LRP4: variants seen among roughly 807,000 people sequenced by gnomAD.
The protein encoded by LRP4 is LDL receptor related protein 4, also known as low-density lipoprotein receptor-related protein 4.
In LRP4, 95 loss-of-function variants were observed where a neutral mutation model predicts 220.3. The observed-to-expected ratio is 0.43, with a 90% confidence interval of 0.37 to 0.51. The LOEUF (loss-of-function observed/expected upper bound fraction) is 0.51, where lower values mean the gene tolerates loss of function less well. Among genes scored for constraint, LRP4 ranks in the 20% least tolerant of loss-of-function variants. LRP4 has a pLI of 0.00. For synonymous variants in LRP4, 903 were observed against 954.6 expected, an observed-to-expected ratio of 0.95 and a Z score of 1.00; for missense variants, 1,925 against 2,567.0, an observed-to-expected ratio of 0.75 and a Z score of 5.40.
intron 37 of LRP4, 41 bp downstream of exon 37, chr11:46,862,565 C>G: frequency 6.2e-7 from 1 of 1,612,028 alleles, no homozygotes; most frequent in Non-Finnish European, 8.5e-7. Context: ...CCTCCCCACA[C>G]CTCGCCAAAA....
chr11:46,891,107 T>G (rs1436855180), intron 13 of LRP4, among the ~76,000 whole-genome samples: 1 of 152,050 alleles, frequency 6.6e-6, no homozygotes, highest in Non-Finnish European at 1.5e-5. Context: ...TCTCTTCCAC[T>G]GCCTTTTGTA....
chr11:46,870,105 C>CA lies in LRP4; in HGVS notation c.4693-974dup, dbSNP rs761655724. The stretch of plus-strand genomic sequence containing the variant: ...TGGGTGACAGAGCGAGACTCCATCT[C>CA]AAAAAAAAAAAAAATTCACCAGGTG... On this transcript the variant is annotated intron_variant, in intron 31 of 37. Coordinates refer to ENST00000378623, the MANE Select transcript of LRP4 (RefSeq NM_002334.4). 1.1e-3 allele frequency among the ~76,000 whole-genome samples: 150 copies of CA among 133,240 alleles called. 1 individual carries two copies. Among genetic ancestry groups the CA allele is most frequent in the South Asian group, 2.4e-3 (10 of 4,140 alleles). 87.4% of individuals were successfully genotyped at this position (133,240 alleles called of 152,430 possible). A position where few individuals can be genotyped will look rare whatever the true frequency, so the allele number is the denominator to read the frequency against.
At chr11:46,888,765 G>A (rs1289455731) in intron 16 of LRP4, among the ~76,000 whole-genome samples, 3 of 152,140 alleles carry the variant, frequency 2.0e-5, no homozygotes, top group Non-Finnish European at 4.4e-5. Flanking sequence ...TGATGTGTGA[G>A]GAATCACCCC....
At chr11:46,864,587 G>A in intron 35 of LRP4, 52 bp from the exon 36 acceptor site, 1 of 1,215,000 alleles carries the variant, frequency 8.2e-7, no homozygotes, top group Non-Finnish European at 1.2e-6. Context: ...CTTTCTAGCG[G>A]TGCTGGTGTG....
intron 20 of LRP4, among the ~76,000 whole-genome samples, chr11:46,880,650 A>C (rs901003304): frequency 6.6e-6 from 1 of 151,990 alleles, no homozygotes; most frequent in Non-Finnish European, 1.5e-5. Context: ...ATTAAAAGAG[A>C]CGTAATTACT....
In LRP4 at chr11:46,885,772, CAA is replaced by C. The variant is rs34867767; in HGVS notation, c.2506+317_2506+318del. On this transcript the variant is annotated intron_variant, in intron 18 of 37. Transcript: ENST00000378623. ...CTGGCGACAGAGCAAGACTCCGCCT[CAA>C]AAAAAAAAAAAAAAAAAGGCTGATT... Among the ~76,000 whole-genome samples, 32 of 57,190 alleles carry C rather than the reference CAA, an allele frequency of 5.6e-4. 1 individual carries two copies. Among genetic ancestry groups the C allele is most frequent in the Non-Finnish European group, 1.1e-3 (26 of 24,480 alleles). 37.5% of individuals were successfully genotyped at this position (57,190 alleles called of 152,430 possible). A position where few individuals can be genotyped will look rare whatever the true frequency, so the allele number is the denominator to read the frequency against.
Position 46,873,584 on chromosome 11 carries a change from G to C in LRP4, c.4239C>G (p.Asp1413Glu), listed in dbSNP as rs768356381. Residue 1413 changes from aspartate (D) to glutamate (E), a missense_variant, in exon 29 of 38, where the codon GAC becomes GAG. By Grantham distance (45) the Asp-to-Glu change is conservative. Transcript: ENST00000378623. The surrounding 1 kb of genome is among the most constrained non-coding windows in gnomAD (Gnocchi z 4.2). ...CTGTCTCCATGTTGCTGCCGTTCAGGTCTGCTCGCCTTGGGGAGAGCCCAG... is the reference window on the plus strand; with the variant it reads ...CTGTCTCCATGTTGCTGCCGTTCAGCTCTGCTCGCCTTGGGGAGAGCCCAG... ...DVFLDVIRRA[D>E]LNGSNMETVI... 1 of 1,612,572 alleles carries C rather than the reference G, an allele frequency of 6.2e-7. No homozygotes were observed. The highest frequency in any genetic ancestry group is 1.1e-5 in the South Asian group (1 of 91,058).
rs1173576033 is a variant in LRP4 at position 46,871,711 on chromosome 11, TC to T, written c.4584-79del. ...GCTCTTCCCCCTATGAACCTGTTTGTCCCCTCCTGAGCTGACTGGCAGATGC... is the reference window on the plus strand; with the variant it reads ...GCTCTTCCCCCTATGAACCTGTTTGTCCCTCCTGAGCTGACTGGCAGATGC... On this transcript the variant is annotated intron_variant, in intron 30 of 37. Transcript: ENST00000378623. 5 of 952,752 alleles carry T rather than the reference TC, an allele frequency of 5.2e-6. No individual in the cohort carries two copies. The African/African-American group carries it at 6.5e-5, about 12-fold the overall frequency. The allele number at this position is 952,752 out of a possible 1,614,324, so 59.0% of individuals were successfully genotyped here.
chr11:46,892,065 G>T (rs895304071), intron 13 of LRP4, among the ~76,000 whole-genome samples: 9 of 152,054 alleles, frequency 5.9e-5, no homozygotes, highest in Non-Finnish European at 1.3e-4. Flanking sequence ...CACGTAGCTG[G>T]GACTACAGGC....
intron 35 of LRP4, among the ~76,000 whole-genome samples, 199 bp downstream of exon 35, chr11:46,864,920 T>C (rs1940654732): frequency 6.6e-6 from 1 of 152,212 alleles, no homozygotes; most frequent in East Asian, 1.9e-4. Flanking sequence ...ATATGGCTTA[T>C]CACATGCCTG....
Position 46,875,217 on chromosome 11 carries a change from G to T in LRP4, c.3926-114C>A. The T allele has an allele frequency of 8.7e-7, 1 of 1,148,548 alleles. No individual in the cohort carries two copies. Among genetic ancestry groups the T allele is most frequent in the Non-Finnish European group, 1.3e-6 (1 of 792,316 alleles). The allele number at this position is 1,148,548 out of a possible 1,614,324, so 71.1% of individuals were successfully genotyped here. A position where few individuals can be genotyped will look rare whatever the true frequency, so the allele number is the denominator to read the frequency against. Reference sequence around the variant, plus strand: ...GCTGTTCTAAGTGACAGGATTCAGTGCCTGGCAGGGTGAGGTAGAAGGAGG... The same window carrying T: ...GCTGTTCTAAGTGACAGGATTCAGTTCCTGGCAGGGTGAGGTAGAAGGAGG... On this transcript the variant is annotated intron_variant, in intron 27 of 37. Transcript: ENST00000378623. The surrounding 1 kb of genome is among the most constrained non-coding windows in gnomAD (Gnocchi z 4.5).
At position 46,874,972 on chromosome 11, in the gene LRP4, C is replaced by T; in HGVS notation, c.4057G>A (p.Glu1353Lys). 1 of 1,614,172 alleles carries T rather than the reference C, an allele frequency of 6.2e-7. No homozygotes were observed. The highest frequency in any genetic ancestry group is 8.5e-7 in the Non-Finnish European group (1 of 1,180,034). Reference protein sequence around the residue: ...GDGKTCDPSPETYLLFSSRGS... With the variant: ...GDGKTCDPSPKTYLLFSSRGS... Reference sequence around the variant, plus strand: ...CGGCTGGAGAAGAGCAGGTAGGTCTCAGGAGAGGGATCACAGGTCTTCCCA... The same window carrying T: ...CGGCTGGAGAAGAGCAGGTAGGTCTTAGGAGAGGGATCACAGGTCTTCCCA... The change falls in exon 28 of 38, where the codon GAG becomes AAG. Residue 1353 changes from glutamate to lysine, a missense_variant. Coordinates refer to ENST00000378623, the MANE Select transcript of LRP4 (RefSeq NM_002334.4).
rs751359851 is a variant in LRP4, at chr11:46,859,028, C to T, written c.5673G>A (p.Thr1891=). ...TPERRGSLPD[T]GWKHERKLSS... is the part of the protein sequence containing the mutation. ...AGAGCTTGCGTTCATGTTTCCAGCC[C>T]GTGTCTGGCAGAGAGCCTCGTCTTT... The change falls in exon 38 of 38, where the codon ACG becomes ACA. Residue 1891 remains threonine, a synonymous_variant. Transcript: ENST00000378623. 16 of 1,614,128 alleles carry T rather than the reference C, an allele frequency of 9.9e-6. No homozygotes were observed. The highest frequency in any genetic ancestry group is 1.7e-5 in the Admixed American group (1 of 60,028).
intron 37 of LRP4, among the ~76,000 whole-genome samples, chr11:46,861,201 T>G (rs562962935): frequency 6.6e-6 from 1 of 152,312 alleles, no homozygotes; most frequent in Non-Finnish European, 1.5e-5. Context: ...AGTAGAAGCT[T>G]TTAAAAAATT....
chr11:46,896,951 G>T lies in LRP4; in HGVS notation c.840C>A (p.Gly280=). The T allele has an allele frequency of 6.2e-7, 1 of 1,614,218 alleles. No individual in the cohort carries two copies. The stretch of plus-strand genomic sequence containing the variant: ...AGCGCCAGGACAGGCGGACACAGCG[G>T]CCTGAGTGACAGCGGAACTGTTCTG... ...CTAEQFRCHS[G]RCVRLSWRCD... Residue 280 remains glycine (G), a synonymous_variant, in exon 8 of 38, where the codon GGC becomes GGA. Transcript: ENST00000378623.
intron 1 of LRP4, among the ~76,000 whole-genome samples, chr11:46,908,788 G>C (rs984414036): frequency 6.6e-6 from 1 of 152,228 alleles, no homozygotes; most frequent in South Asian, 2.1e-4. Context: ...ATCAGCACTC[G>C]AGTGTTGTTG....
intron 1 of LRP4, among the ~76,000 whole-genome samples, chr11:46,917,823 G>A (rs1941971965): frequency 1.3e-5 from 2 of 152,100 alleles, no homozygotes; most frequent in South Asian, 4.1e-4. Context: ...ATCGTTCTCC[G>A]AGTAGAGGAA....
intron 34 of LRP4, among the ~76,000 whole-genome samples, chr11:46,867,153 G>A (rs1023702621): frequency 9.2e-5 from 14 of 152,176 alleles, no homozygotes; most frequent in Admixed American, 2.0e-4. Context: ...AATGAAATAA[G>A]ATACTTTATA....
chr11:46,880,208 C>T (rs1160673451), intron 20 of LRP4, among the ~76,000 whole-genome samples: 1 of 151,248 alleles, frequency 6.6e-6, no homozygotes, highest in African/African-American at 2.4e-5. Context: ...TAGTTGGGCC[C>T]GGTGGCGCAC....
Sources: allele counts gnomAD v4.1 joint callset (sites outside exome capture counted in the v4.1 genomes callset), GRCh38; gene constraint gnomAD v4.1.1; non-coding constraint Gnocchi (gnomAD v3.1); transcripts MANE v1.5; gene names NCBI Gene and HGNC (gene_info 2026-07-23, HGNC 2026-07-21).